The following TIMD4 variants were observed in gnomAD, a reference collection of about 807,000 sequenced individuals.
TIMD4 encodes the protein T cell immunoglobulin and mucin domain containing 4.
In TIMD4, 31 loss-of-function variants were observed where a neutral mutation model predicts 41.2. The observed-to-expected ratio is 0.75, with a 90% CI of 0.57 to 1.01. TIMD4 has a LOEUF of 1.01. TIMD4 is among the 50% of genes least tolerant of loss of function. TIMD4 has a pLI of 0.00. For synonymous variants in TIMD4, 204 were observed against 177.1 expected, an observed-to-expected ratio of 1.15 and a Z score of -1.21; for missense variants, 479 against 472.5, an observed-to-expected ratio of 1.01 and a Z score of -0.13.
At chr5:156,942,337 C>A (rs549666877) in intron 5 of TIMD4, among the ~76,000 whole-genome samples, 2 of 152,320 alleles carry the variant, frequency 1.3e-5, no homozygotes, top group South Asian at 2.1e-4. Flanking sequence ...GGGTCAGGAC[C>A]ACTGGCCTCT....
chr5:156,946,190 C>T (rs527584588), intron 5 of TIMD4, among the ~76,000 whole-genome samples: 12 of 152,080 alleles, frequency 7.9e-5, no homozygotes, highest in Non-Finnish European at 1.8e-4. Flanking sequence ...GAATGTTCTC[C>T]CTACTTTCCA....
intron 8 of TIMD4, among the ~76,000 whole-genome samples, chr5:156,919,784 G>T (rs879022255): frequency 6.6e-6 from 1 of 152,084 alleles, no homozygotes; most frequent in Non-Finnish European, 1.5e-5. Context: ...ATTTCAATAC[G>T]TTTATTTACC....
intron 5 of TIMD4, among the ~76,000 whole-genome samples, chr5:156,927,257 T>C (rs1021167043): frequency 5.3e-5 from 8 of 152,256 alleles, no homozygotes; most frequent in African/African-American, 1.9e-4. Context: ...TGGTGCTCAA[T>C]AAATGTTTGT....
intron 5 of TIMD4, among the ~76,000 whole-genome samples, chr5:156,945,651 T>C (rs1411438976): frequency 6.6e-6 from 1 of 152,216 alleles, no homozygotes; most frequent in East Asian, 1.9e-4. Context: ...CTATCTGTTT[T>C]CATGTACCCC....
In TIMD4 at chr5:156,935,031, C is replaced by A. The variant is rs527404804; in HGVS notation, c.845-8719G>T. On this transcript the variant is annotated intron_variant, in intron 5 of 8. Coordinates refer to ENST00000274532, the MANE Select transcript of TIMD4 (RefSeq NM_138379.3). ...AGTGCAAGCCTTCAGAGAACAGTTT[C>A]TTTTCTTTCATGGGTAGCCTCGGGC... 2.6e-5 allele frequency among the ~76,000 whole-genome samples: 4 copies of A among 152,312 alleles called. No individual in the cohort carries two copies. The East Asian group carries it at 7.7e-4, about 29-fold the overall frequency.
chr5:156,920,933 A>G (rs1759225001), intron 7 of TIMD4, among the ~76,000 whole-genome samples: 1 of 152,180 alleles, frequency 6.6e-6, no homozygotes, highest in African/African-American at 2.4e-5. Flanking sequence ...TACAAGTTTC[A>G]TTATTATTCA....
chr5:156,925,274 C>T (rs1419816792), intron 6 of TIMD4, among the ~76,000 whole-genome samples: 1 of 152,230 alleles, frequency 6.6e-6, no homozygotes, highest in Non-Finnish European at 1.5e-5. Flanking sequence ...TGCACCACTG[C>T]ACTCCAGCCT....
Position 156,954,605 on chromosome 5 carries a change from G to T in TIMD4, c.210C>A (p.Arg70=). ...PYSGCKEALI[R]TDGMRVTSRK... ...TTGAGGTCACCCTCATTCCATCAGT[G>T]CGGATGAGCGCCTCCTTGCAACCGG... is the stretch of plus-strand genomic sequence containing the variant. The change falls in exon 2 of 9, where the codon CGC becomes CGA. Residue 70 remains arginine (R), a synonymous_variant. Coordinates refer to ENST00000274532, the MANE Select transcript of TIMD4 (RefSeq NM_138379.3). 1 of 1,614,054 alleles carries T rather than the reference G, an allele frequency of 6.2e-7. No homozygotes were observed. The highest frequency in any genetic ancestry group is 2.2e-5 in the East Asian group (1 of 44,880).
intron 5 of TIMD4, among the ~76,000 whole-genome samples, chr5:156,940,070 C>T (rs1581620762): frequency 6.6e-6 from 1 of 152,372 alleles, no homozygotes; most frequent in East Asian, 1.9e-4. Context: ...GATTCTCCTG[C>T]CTCAGCCTGC....
chr5:156,940,297 G>A (rs999685235), intron 5 of TIMD4, among the ~76,000 whole-genome samples: 3 of 152,208 alleles, frequency 2.0e-5, no homozygotes, highest in Non-Finnish European at 2.9e-5. Context: ...GCGTGATCTC[G>A]GCTTGCTACA....
intron 5 of TIMD4, among the ~76,000 whole-genome samples, chr5:156,930,493 C>G (rs775522314): frequency 1.3e-5 from 2 of 152,044 alleles, no homozygotes; most frequent in African/African-American, 2.4e-5. Context: ...GTCCTACTGA[C>G]AGAAGAAAGG....
chr5:156,919,440 A>T lies in TIMD4; in HGVS notation c.*17T>A. On this transcript the variant is annotated 3_prime_UTR_variant, in exon 9 of 9. Transcript: ENST00000274532. ...AGTGTCATGCCCCCATCCTCAATCT[A>T]ACATGCTACTGCGTTGTTAGAGGGT... The T allele has an allele frequency of 6.2e-7, 1 of 1,611,798 alleles. No individual in the cohort carries two copies. Among genetic ancestry groups the T allele is most frequent in the Non-Finnish European group, 8.5e-7 (1 of 1,177,934 alleles).
At chr5:156,950,986 T>C (rs551396683) in intron 3 of TIMD4, among the ~76,000 whole-genome samples, 1 of 145,892 alleles carries the variant, frequency 6.9e-6, no homozygotes, top group Admixed American at 7.3e-5. Context: ...AAAGGAACAA[T>C]TTGGTGAAAA....
At chr5:156,962,688 C>T (rs1485254132) in intron 1 of TIMD4, among the ~76,000 whole-genome samples, 1 of 152,108 alleles carries the variant, frequency 6.6e-6, no homozygotes, top group Non-Finnish European at 1.5e-5. Context: ...CCAAAAACAA[C>T]GTGCAGAAAA....
rs541148243 is a variant in TIMD4 at position 156,928,829 on chromosome 5, G to A, written c.845-2517C>T. Among the ~76,000 whole-genome samples the A allele has an allele frequency of 4.2e-4, 64 of 152,268 alleles. 1 individual carries two copies. In the South Asian group the frequency reaches 5.8e-3, roughly 14 times the overall value. On this transcript the variant is annotated intron_variant, in intron 5 of 8. Transcript: ENST00000274532. ...CCCTAGAGCTGAAAATTGCAGGTAA[G>A]AATTCAAAACTCCTACCCTTGTTCT...
rs752979392 is a variant in TIMD4 at position 156,949,716 on chromosome 5, A to C, written c.695T>G (p.Leu232Arg). ...AACACTACTCCAGGAATCACTGGGG[A>C]GGACAGTTTCTGATTCTGGAAGAGA... ...PILTAESETVLPSDSWSSVES... is the reference protein window; with the variant it reads ...PILTAESETVRPSDSWSSVES... The change falls in exon 4 of 9, where the codon CTC becomes CGC. Residue 232 changes from leucine to arginine, a missense_variant. By Grantham distance (102) the Leu-to-Arg change is moderately radical. Transcript: ENST00000274532. The C allele has an allele frequency of 6.2e-7, 1 of 1,613,096 alleles. No homozygotes were observed. Among genetic ancestry groups the C allele is most frequent in the Non-Finnish European group, 8.5e-7 (1 of 1,179,108 alleles).
chr5:156,957,655 A>T (rs144677775), intron 1 of TIMD4, among the ~76,000 whole-genome samples: 32 of 152,220 alleles, frequency 2.1e-4, no homozygotes, highest in Non-Finnish European at 3.8e-4. Context: ...TGCACCTAAA[A>T]TTAATAACTA....
At chr5:156,953,279 C>T (rs1759896782) in intron 2 of TIMD4, among the ~76,000 whole-genome samples, 1 of 152,102 alleles carries the variant, frequency 6.6e-6, no homozygotes, top group Non-Finnish European at 1.5e-5. Context: ...GAAAGACATA[C>T]TAATATGTAT....
intron 5 of TIMD4, among the ~76,000 whole-genome samples, chr5:156,929,612 G>A (rs1269761815): frequency 1.3e-5 from 2 of 152,206 alleles, no homozygotes; most frequent in African/African-American, 4.8e-5. Context: ...AATCCCTGGA[G>A]TACCAGAAGC....
Sources: gnomAD v4.1 joint callset for allele counts (sites outside exome capture counted in the v4.1 genomes callset) on GRCh38, gnomAD v4.1.1 for gene constraint, MANE v1.5 for transcripts, NCBI Gene and HGNC (gene_info 2026-07-23, HGNC 2026-07-21) for gene names.